PCDHGB7: variants seen among roughly 807,000 people sequenced by gnomAD.
PCDHGB7 encodes the protein protocadherin gamma subfamily B, 7, also known as protocadherin gamma-B7.
A neutral mutation model predicts 61.4 loss-of-function variants in PCDHGB7; 37 were observed. The ratio of observed to expected loss-of-function variants is 0.60; its 90% CI spans 0.46 to 0.79. The LOEUF (loss-of-function observed/expected upper bound fraction) is 0.79. Ranked by LOEUF, PCDHGB7 falls within the 30% of genes least tolerant of loss-of-function variation. The pLI, the probability that PCDHGB7 is intolerant of heterozygous loss-of-function variation, is 0.00. For missense variants in PCDHGB7, 1,166 were observed against 1,202.5 expected, an observed-to-expected ratio of 0.97 and a Z score of 0.45; for synonymous variants, 464 against 503.5, an observed-to-expected ratio of 0.92 and a Z score of 1.05.
At chr5:141,427,306 A>G (rs1023837851) in intron 1 of PCDHGB7, 6 of 456,826 alleles carry the variant, frequency 1.3e-5, no homozygotes, top group African/African-American at 1.2e-4. Flanking sequence ...GAGAATGACA[A>G]TGCCCCAGAC....
At chr5:141,446,055 G>A (rs1431833512) in intron 1 of PCDHGB7, among the ~76,000 whole-genome samples, 1 of 152,190 alleles carries the variant, frequency 6.6e-6, no homozygotes, top group Non-Finnish European at 1.5e-5. Flanking sequence ...AGCTGGCTTG[G>A]ATTAAAGGGG....
chr5:141,436,068 T>A (rs1343785335), intron 1 of PCDHGB7, among the ~76,000 whole-genome samples: 1 of 152,190 alleles, frequency 6.6e-6, no homozygotes, highest in Non-Finnish European at 1.5e-5. Flanking sequence ...ATTTAATAAG[T>A]ACAGTGTTCT....
At chr5:141,422,791 G>T (rs2096673253) in intron 1 of PCDHGB7, 2 of 1,614,020 alleles carry the variant, frequency 1.2e-6, no homozygotes, top group South Asian at 1.1e-5. Context: ...ACAATCCTTC[G>T]ACTATGAGCA....
chr5:141,431,700 TC>T lies in PCDHGB7; in HGVS notation c.2415+11427del. On this transcript the variant is annotated intron_variant, in intron 1 of 3. Coordinates refer to ENST00000398594, the MANE Select transcript of PCDHGB7 (RefSeq NM_018927.4). The surrounding 1 kb of genome is among the most constrained non-coding windows in gnomAD (Gnocchi z 4.8). ...GAGTTGGACCACGAGGAGTCAGGAT[TC>T]TACCAGATGGAAGTGCAAGCAATGG... 6.2e-7 allele frequency: 1 copy of T among 1,614,218 alleles called. No individual in the cohort carries two copies.
chr5:141,433,032 C>G, intron 1 of PCDHGB7: 1 of 1,614,188 alleles, frequency 6.2e-7, no homozygotes, highest in Non-Finnish European at 8.5e-7. Context: ...CACGAGGTTT[C>G]CCTCACCACG....
chr5:141,431,476 A>G lies in PCDHGB7; in HGVS notation c.2415+11202A>G, dbSNP rs975772031. 1.9e-6 allele frequency: 3 copies of G among 1,613,864 alleles called. No homozygotes were observed. Among genetic ancestry groups the G allele is most frequent in the Admixed American group, 3.3e-5 (2 of 60,032 alleles). ...TGGTTCTGGATGCGAACGACAACGC[A>G]CCAGCGTTTGCTCAGCCCGAGTACC... On this transcript the variant is annotated intron_variant, in intron 1 of 3. Coordinates refer to ENST00000398594, the MANE Select transcript of PCDHGB7 (RefSeq NM_018927.4). This position sits in a 1 kb window ranked among gnomAD's most constrained non-coding sequence, Gnocchi z 4.8.
chr5:141,504,907 A>G (rs2099841813), intron 2 of PCDHGB7, among the ~76,000 whole-genome samples: 1 of 152,100 alleles, frequency 6.6e-6, no homozygotes, highest in African/African-American at 2.4e-5. Context: ...TCACTATGAC[A>G]GGAAGCCAGG....
chr5:141,455,616 A>G (rs2154565146), intron 1 of PCDHGB7, among the ~76,000 whole-genome samples: 1 of 152,244 alleles, frequency 6.6e-6, no homozygotes, highest in South Asian at 2.1e-4. Flanking sequence ...GGATGTTCTA[A>G]ACACGTGGAG....
intron 1 of PCDHGB7, among the ~76,000 whole-genome samples, chr5:141,436,613 A>C (rs1334315821): frequency 1.3e-5 from 2 of 152,206 alleles, no homozygotes; most frequent in Non-Finnish European, 2.9e-5. Flanking sequence ...AGGGCTAACA[A>C]AAATCTGATT....
In PCDHGB7 at chr5:141,491,634, C is replaced by T; in HGVS notation, c.2416-3173C>T. On this transcript the variant is annotated intron_variant, in intron 1 of 3. Coordinates refer to ENST00000398594, the MANE Select transcript of PCDHGB7 (RefSeq NM_018927.4). This position sits in a 1 kb window ranked among gnomAD's most constrained non-coding sequence, Gnocchi z 6.9. ...TAAGACCCCTCAGCGTTCAGCAGCC[C>T]ACAGCTCTGGCGCTGGAGCCTGACG... 1 of 1,613,892 alleles carries T rather than the reference C, an allele frequency of 6.2e-7. No individual in the cohort carries two copies. Among genetic ancestry groups the T allele is most frequent in the South Asian group, 1.1e-5 (1 of 91,084 alleles).
chr5:141,446,458 G>A (rs2098502933), intron 1 of PCDHGB7, among the ~76,000 whole-genome samples: 1 of 151,662 alleles, frequency 6.6e-6, no homozygotes, highest in African/African-American at 2.4e-5. Flanking sequence ...TATTCAGTGT[G>A]TGATTAGACA....
intron 1 of PCDHGB7, among the ~76,000 whole-genome samples, chr5:141,455,095 A>G (rs910300076): frequency 2.6e-5 from 4 of 151,836 alleles, no homozygotes; most frequent in African/African-American, 9.7e-5. Flanking sequence ...TACAGGCTTG[A>G]GCCACTGCGC....
intron 1 of PCDHGB7, among the ~76,000 whole-genome samples, chr5:141,450,783 G>A (rs2879228): frequency 0.25 from 37,099 of 150,510 alleles, 4,810 homozygotes; most frequent in Admixed American, 0.32. Flanking sequence ...CACCGTGCCC[G>A]GACCTCATGA....
Position 141,489,595 on chromosome 5 carries a change from G to A in PCDHGB7, c.2416-5212G>A. The A allele has an allele frequency of 1.2e-6, 2 of 1,614,132 alleles. No individual in the cohort carries two copies. Among genetic ancestry groups the A allele is most frequent in the Non-Finnish European group, 1.7e-6 (2 of 1,180,004 alleles). On this transcript the variant is annotated intron_variant, in intron 1 of 3. Coordinates refer to ENST00000398594, the MANE Select transcript of PCDHGB7 (RefSeq NM_018927.4). The surrounding 1 kb of genome is among the most constrained non-coding windows in gnomAD (Gnocchi z 4.5). Reference sequence around the variant, plus strand: ...TGAACACCCCCTGGAGCTAATCCGTGTAGAGGTAGAGATCCTGGATCTCAA... The same window carrying A: ...TGAACACCCCCTGGAGCTAATCCGTATAGAGGTAGAGATCCTGGATCTCAA...
At position 141,490,108 on chromosome 5, in the gene PCDHGB7, C is replaced by T. The variant is rs566655929; in HGVS notation, c.2416-4699C>T. 1.4e-5 allele frequency: 22 copies of T among 1,614,244 alleles called. No individual in the cohort carries two copies. Among genetic ancestry groups the T allele is most frequent in the South Asian group, 5.5e-5 (5 of 91,090 alleles). The stretch of plus-strand genomic sequence containing the variant: ...TGGAGACCACACATCTGAGGCAGTG[C>T]GGAACCTCTTTGGCCTAGACCCTAG... On this transcript the variant is annotated intron_variant, in intron 1 of 3. Coordinates refer to ENST00000398594, the MANE Select transcript of PCDHGB7 (RefSeq NM_018927.4). This position sits in a 1 kb window ranked among gnomAD's most constrained non-coding sequence, Gnocchi z 5.4.
intron 1 of PCDHGB7, among the ~76,000 whole-genome samples, chr5:141,467,254 T>C (rs1291193879): frequency 2.0e-5 from 3 of 152,248 alleles, no homozygotes; most frequent in Admixed American, 6.5e-5. Flanking sequence ...GGTTTCACCA[T>C]GTTGGCCAGG....
At chr5:141,434,392 C>T (rs906051301) in intron 1 of PCDHGB7, among the ~76,000 whole-genome samples, 4 of 152,210 alleles carry the variant, frequency 2.6e-5, no homozygotes, top group African/African-American at 9.6e-5. Context: ...TGGCCATAAA[C>T]AAAATCTCTG....
chr5:141,419,494 T>A lies in PCDHGB7; in HGVS notation c.1635T>A (p.Asn545Lys). ...AGGGCTCGCCCGCGCTCAGCGCCAA[T>A]GTGAGCCTGCGCGTGTTGGTGGGCG... ...RDQGSPALSA[N>K]VSLRVLVGDR... Residue 545 changes from asparagine to lysine, a missense_variant, in exon 1 of 4, where the codon AAT (asparagine) becomes AAA (lysine). Physicochemically the swap from Asn to Lys is moderately conservative, Grantham distance 94. Transcript: ENST00000398594. 6.2e-7 allele frequency: 1 copy of A among 1,612,380 alleles called. No individual in the cohort carries two copies. Among genetic ancestry groups the A allele is most frequent in the Non-Finnish European group, 8.5e-7 (1 of 1,179,502 alleles).
At position 141,486,538 on chromosome 5, in the gene PCDHGB7, C is replaced by A; in HGVS notation, c.2416-8269C>A. 1 of 1,614,150 alleles carries A rather than the reference C, an allele frequency of 6.2e-7. No individual in the cohort carries two copies. Among genetic ancestry groups the A allele is most frequent in the Non-Finnish European group, 8.5e-7 (1 of 1,180,038 alleles). ...ATGTGAATGATAATCCACCCTCTTTCTTTCAGAGGTCACATGAGGTGTTTG... is the reference window on the plus strand; with the variant it reads ...ATGTGAATGATAATCCACCCTCTTTATTTCAGAGGTCACATGAGGTGTTTG... On this transcript the variant is annotated intron_variant, in intron 1 of 3. Coordinates refer to ENST00000398594, the MANE Select transcript of PCDHGB7 (RefSeq NM_018927.4). This position sits in a 1 kb window ranked among gnomAD's most constrained non-coding sequence, Gnocchi z 5.0.
Sources: allele counts gnomAD v4.1 joint callset (sites outside exome capture counted in the v4.1 genomes callset), GRCh38; gene constraint gnomAD v4.1.1; non-coding constraint Gnocchi (gnomAD v3.1); transcripts MANE v1.5; gene names NCBI Gene and HGNC (gene_info 2026-07-23, HGNC 2026-07-21).